SYT16: variants seen among roughly 807,000 people sequenced by gnomAD.
SYT16 encodes the protein synaptotagmin-16.
Under a neutral mutation model 61.4 loss-of-function variants are expected in SYT16, and 42 were observed. The ratio of observed to expected loss-of-function variants is 0.68; its 90% CI spans 0.53 to 0.89. The LOEUF is 0.89. SYT16 is among the 40% of genes least tolerant of loss of function. The pLI, the probability that SYT16 is intolerant of heterozygous loss-of-function variation, is 0.00. For missense variants in SYT16, 804 were observed against 807.3 expected, an observed-to-expected ratio of 1.00 and a Z score of 0.05; for synonymous variants, 314 against 302.3, an observed-to-expected ratio of 1.04 and a Z score of -0.40.
At chr14:61,998,572 C>G (rs965294742) in intron 3 of SYT16, among the ~76,000 whole-genome samples, 6 of 151,900 alleles carry the variant, frequency 3.9e-5, no homozygotes, top group African/African-American at 1.4e-4. Flanking sequence ...AATGAATGCA[C>G]CAGTTTGTTG....
intron 1 of SYT16, chr14:61,865,085 C>T: frequency 7.4e-7 from 1 of 1,359,200 alleles, no homozygotes; most frequent in Non-Finnish European, 1.1e-6. Context: ...CGGGAAATGG[C>T]CCACTGTGAC....
intron 1 of SYT16, among the ~76,000 whole-genome samples, chr14:61,919,261 A>G (rs1299233953): frequency 6.6e-6 from 1 of 152,168 alleles, no homozygotes; most frequent in African/African-American, 2.4e-5. Context: ...CTCTGCATGA[A>G]CGCAACAGCC....
At chr14:62,023,875 G>A (rs974965939) in intron 3 of SYT16, among the ~76,000 whole-genome samples, 1 of 152,016 alleles carries the variant, frequency 6.6e-6, no homozygotes, top group African/African-American at 2.4e-5. Flanking sequence ...CATTGGTAGT[G>A]TATTCTTTTT....
At chr14:62,074,690 C>G (rs1341841489) in intron 4 of SYT16, among the ~76,000 whole-genome samples, 1 of 152,130 alleles carries the variant, frequency 6.6e-6, no homozygotes, top group Non-Finnish European at 1.5e-5. Context: ...GAACTTTTTA[C>G]TTGGTAGGAT....
intron 1 of SYT16, among the ~76,000 whole-genome samples, chr14:61,925,448 T>C (rs1021526823): frequency 1.3e-5 from 2 of 152,228 alleles, no homozygotes; most frequent in Non-Finnish European, 2.9e-5. Flanking sequence ...AATGGTGTAT[T>C]AGCATTTGCT....
intron 1 of SYT16, among the ~76,000 whole-genome samples, chr14:61,946,062 G>T (rs1039473453): frequency 6.6e-6 from 1 of 152,044 alleles, no homozygotes; most frequent in African/African-American, 2.4e-5. Context: ...CCTGTCAGGG[G>T]ATGAGGGGCT....
intron 3 of SYT16, among the ~76,000 whole-genome samples, chr14:62,049,796 G>T (rs528394264): frequency 2.7e-4 from 41 of 152,268 alleles, no homozygotes; most frequent in African/African-American, 9.9e-4. Context: ...GTTGAATATT[G>T]GTTCCCACTC....
chr14:61,898,287 T>G (rs1377101582), intron 1 of SYT16, among the ~76,000 whole-genome samples: 1 of 152,174 alleles, frequency 6.6e-6, no homozygotes, highest in African/African-American at 2.4e-5. Context: ...TTTGAGTAGA[T>G]ATAGACCTTT....
chr14:62,051,704 C>T (rs996624642), intron 3 of SYT16, among the ~76,000 whole-genome samples: 2 of 152,266 alleles, frequency 1.3e-5, no homozygotes, highest in Middle Eastern at 3.4e-3. Flanking sequence ...TATGTATAGT[C>T]TTATATCTCA....
intron 1 of SYT16, among the ~76,000 whole-genome samples, chr14:61,823,292 AT>A (rs1252629867): frequency 6.6e-6 from 1 of 151,802 alleles, no homozygotes; most frequent in African/African-American, 2.4e-5. Flanking sequence ...CGCCTGGCCT[AT>A]TTTTTTATTT....
At chr14:61,978,369 A>T (rs938576438) in intron 2 of SYT16, among the ~76,000 whole-genome samples, 1 of 152,216 alleles carries the variant, frequency 6.6e-6, no homozygotes, top group Non-Finnish European at 1.5e-5. Flanking sequence ...AACTGGGGTT[A>T]TAATGATTCT....
intron 1 of SYT16, among the ~76,000 whole-genome samples, chr14:61,968,610 ACT>A (rs751353544): frequency 3.9e-5 from 6 of 151,946 alleles, no homozygotes; most frequent in East Asian, 1.9e-4. Context: ...CTACTTAAGG[ACT>A]CTGTTTGTCA....
chr14:62,039,494 A>G (rs921750696), intron 3 of SYT16, among the ~76,000 whole-genome samples: 2 of 152,330 alleles, frequency 1.3e-5, no homozygotes, highest in South Asian at 4.1e-4. Context: ...ACGCAAGGAC[A>G]TGCAACCTGA....
chr14:62,077,338 C>G (rs2056532303), intron 5 of SYT16, among the ~76,000 whole-genome samples: 1 of 152,242 alleles, frequency 6.6e-6, no homozygotes, highest in African/African-American at 2.4e-5. Context: ...TTTATTTTGT[C>G]TCAGCAGGAA....
chr14:61,887,161 A>G (rs151309485), intron 1 of SYT16, among the ~76,000 whole-genome samples: 1,625 of 152,296 alleles, frequency 0.011, 15 homozygotes, highest in Middle Eastern at 0.031. Flanking sequence ...ACACATCTCT[A>G]TCAGAGCTCT....
chr14:61,913,477 A>G (rs1406055075), intron 1 of SYT16, among the ~76,000 whole-genome samples: 5 of 152,202 alleles, frequency 3.3e-5, no homozygotes, highest in African/African-American at 9.6e-5. Context: ...AAAAATTAAT[A>G]TCATGTAAGA....
At chr14:61,873,579 C>A (rs1397241224) in intron 1 of SYT16, among the ~76,000 whole-genome samples, 1 of 152,146 alleles carries the variant, frequency 6.6e-6, no homozygotes, top group Non-Finnish European at 1.5e-5. Flanking sequence ...CATAGCCTAA[C>A]TTTGATGCAT....
At chr14:61,937,370 T>A (rs771368614) in intron 1 of SYT16, among the ~76,000 whole-genome samples, 2 of 152,232 alleles carry the variant, frequency 1.3e-5, no homozygotes, top group Non-Finnish European at 2.9e-5. Flanking sequence ...GGGGGAAGAC[T>A]AACTTCCTTA....
At chr14:61,859,021 A>AT (rs60251753) in intron 1 of SYT16, among the ~76,000 whole-genome samples, 54 of 146,246 alleles carry the variant, frequency 3.7e-4, no homozygotes, top group East Asian at 6.0e-4. Flanking sequence ...CGCCCGGCTA[A>AT]TTTTTTTTTT....
Sources: gnomAD v4.1 joint callset for allele counts (sites outside exome capture counted in the v4.1 genomes callset) on GRCh38, gnomAD v4.1.1 for gene constraint, MANE v1.5 for transcripts, NCBI Gene and HGNC (gene_info 2026-07-23, HGNC 2026-07-21) for gene names.